Variants in CFI observed in about 807,000 individuals in gnomAD.
CFI encodes complement factor I, also known as C3B/C4B inactivator.
A neutral mutation model predicts 78.8 loss-of-function variants in CFI; 66 were observed. The ratio of observed to expected loss-of-function variants is 0.84; its 90% CI spans 0.69 to 1.03. The LOEUF is 1.03. CFI is among the 50% of genes least tolerant of loss of function. The pLI is 0.00. For missense variants in CFI, 706 were observed against 704.5 expected (o/e 1.00, Z -0.02); for synonymous variants, 250 against 232.6 (o/e 1.07, Z -0.68).
At chr4:109,788,520 A>T (rs1478954966) in intron 1 of CFI, among the ~76,000 whole-genome samples, 1 of 152,066 alleles carries the variant, frequency 6.6e-6, no homozygotes, top group African/African-American at 2.4e-5. Context: ...TCAGTGATAT[A>T]GATTTTTTCT....
At chr4:109,761,992 C>G (rs978556785) in intron 3 of CFI, 1 of 349,822 alleles carries the variant, frequency 2.9e-6, no homozygotes, top group Non-Finnish European at 5.4e-6. Flanking sequence ...GAGTTCGAGA[C>G]CAGCCTGGCC....
intron 1 of CFI, among the ~76,000 whole-genome samples, chr4:109,789,292 A>G (rs542622929): frequency 2.4e-4 from 37 of 152,144 alleles, no homozygotes; most frequent in Non-Finnish European, 4.4e-4. Flanking sequence ...TGAAGAAATA[A>G]TGGCTGAAAT....
intron 1 of CFI, among the ~76,000 whole-genome samples, chr4:109,795,999 G>A (rs1158291108): frequency 6.6e-6 from 1 of 152,100 alleles, no homozygotes; most frequent in Non-Finnish European, 1.5e-5. Context: ...GGATTCATGA[G>A]GACCAAAAGG....
At position 109,791,185 on chromosome 4, in the gene CFI, TA is replaced by T. The variant is rs1399558173; in HGVS notation, c.57+10729del. On this transcript the variant is annotated intron_variant, in intron 1 of 12. Coordinates refer to ENST00000394634, the MANE Select transcript of CFI (RefSeq NM_000204.5). ...TTTCATTGTGGTTTTAATTTGCATT[TA>T]TCCAGTGATCACTGATGTTGGGCTT... Among the ~76,000 whole-genome samples, 3 of 152,230 alleles carry T rather than the reference TA, an allele frequency of 2.0e-5. No homozygotes were observed. The East Asian group carries it at 5.8e-4, about 29-fold the overall frequency.
the CFI span, among the ~76,000 whole-genome samples, chr4:109,731,327 GGCA>G: frequency 1.3e-5 from 2 of 152,154 alleles, no homozygotes; most frequent in South Asian, 4.2e-4. Flanking sequence ...TCCAGCTTGG[GGCA>G]CAGAGCGAGA....
intron 1 of CFI, among the ~76,000 whole-genome samples, chr4:109,792,591 C>G (rs895217129): frequency 6.6e-6 from 1 of 152,000 alleles, no homozygotes; most frequent in Admixed American, 6.6e-5. Context: ...ACCCACCCCC[C>G]CCAAAACAAG....
chr4:109,772,472 T>C (rs918385040), intron 1 of CFI, among the ~76,000 whole-genome samples: 2 of 152,220 alleles, frequency 1.3e-5, no homozygotes, highest in African/African-American at 4.8e-5. Flanking sequence ...TAAATCACCA[T>C]TGAAACTATA....
downstream of CFI, among the ~76,000 whole-genome samples, chr4:109,738,112 CTTTTTTTTT>C (rs141891533): frequency 7.7e-6 from 1 of 130,264 alleles, no homozygotes; most frequent in Non-Finnish European, 1.6e-5. Flanking sequence ...GAGTACTTTT[CTTTTTTTTT>C]TTTTTTTTTT....
intron 1 of CFI, among the ~76,000 whole-genome samples, chr4:109,778,388 G>A (rs139391606): frequency 0.015 from 2,229 of 152,196 alleles, 33 homozygotes; most frequent in Middle Eastern, 0.031. Context: ...TAGAAGAAAT[G>A]GATAAATTCC....
At chr4:109,752,646 G>T in intron 7 of CFI, 143 bp from the exon 8 acceptor site, 1 of 694,798 alleles carries the variant, frequency 1.4e-6, no homozygotes, top group Non-Finnish European at 2.5e-6. Context: ...AAATCCCCAA[G>T]GCATGTCATC....
At chr4:109,743,915 C>T (rs1724116529) in intron 11 of CFI, among the ~76,000 whole-genome samples, 1 of 151,866 alleles carries the variant, frequency 6.6e-6, no homozygotes, top group Admixed American at 6.6e-5. Flanking sequence ...AGCCCCAGAG[C>T]TCAAGGTTGC....
At chr4:109,750,080 T>A (rs1177335390) in intron 8 of CFI, among the ~76,000 whole-genome samples, 4 of 152,066 alleles carry the variant, frequency 2.6e-5, no homozygotes, top group Non-Finnish European at 5.9e-5. Context: ...CACTGCAACC[T>A]CCGCCTCCCG....
At chr4:109,738,032 C>G (rs76335033), downstream of CFI, among the ~76,000 whole-genome samples, 8,048 of 152,094 alleles carry the variant, frequency 0.053, 379 homozygotes, top group East Asian at 0.23. Flanking sequence ...TGGCTTGGCC[C>G]TTTTGGGGGC....
chr4:109,763,362 A>G (rs1414332069), intron 3 of CFI, among the ~76,000 whole-genome samples: 1 of 152,114 alleles, frequency 6.6e-6, no homozygotes, highest in Non-Finnish European at 1.5e-5. Context: ...TTTCAAACCA[A>G]CTAGAGGTGG....
rs1389807771 is a variant in CFI at position 109,766,801 on chromosome 4, A to T, written c.81T>A (p.Asp27Glu). Residue 27 changes from aspartate to glutamate, a missense_variant, in exon 2 of 13, where the codon GAT (aspartate) becomes GAA (glutamate). Asp to Glu is a conservative substitution (Grantham distance 45). Coordinates refer to ENST00000394634, the MANE Select transcript of CFI (RefSeq NM_000204.5). ...TTGCTAAGCACTTTTTCTCCACCAG[A>T]TCCTCTTGAGATGTATAAGTGACCT... is the stretch of plus-strand genomic sequence containing the variant. Reference protein sequence around the residue: ...FCKVTYTSQEDLVEKKCLAKK... With the variant: ...FCKVTYTSQEELVEKKCLAKK... 2 of 1,614,036 alleles carry T rather than the reference A, an allele frequency of 1.2e-6. No homozygotes were observed. Among genetic ancestry groups the T allele is most frequent in the African/African-American group, 2.7e-5 (2 of 74,922 alleles).
intron 11 of CFI, among the ~76,000 whole-genome samples, chr4:109,745,349 T>A (rs549742392): frequency 6.6e-6 from 1 of 152,048 alleles, no homozygotes; most frequent in African/African-American, 2.4e-5. Context: ...CACCATCACA[T>A]CCAGCTAATT....
At chr4:109,741,536 T>C (rs980549945) in intron 12 of CFI, among the ~76,000 whole-genome samples, 2 of 152,190 alleles carry the variant, frequency 1.3e-5, no homozygotes, top group African/African-American at 2.4e-5. Flanking sequence ...ATAAGACAAC[T>C]ATGACACGGA....
intron 1 of CFI, among the ~76,000 whole-genome samples, chr4:109,792,588 C>T (rs1055336354): frequency 2.0e-5 from 3 of 151,964 alleles, no homozygotes; most frequent in Non-Finnish European, 4.4e-5. Context: ...CAAACCCACC[C>T]CCCCCAAAAC....
At position 109,749,239 on chromosome 4, in the gene CFI, A is replaced by G. The variant is rs775212935; in HGVS notation, c.1127T>C (p.Leu376Pro). 1.9e-6 allele frequency: 3 copies of G among 1,614,168 alleles called. No homozygotes were observed. Among genetic ancestry groups the G allele is most frequent in the Non-Finnish European group, 2.5e-6 (3 of 1,179,970 alleles). Residue 376 changes from leucine to proline, a missense_variant, in exon 10 of 13, where the codon CTG (leucine) becomes CCG (proline). Leu to Pro is a moderately conservative substitution (Grantham distance 98). Transcript: ENST00000394634. ...TTACCTGAGACAATGTGCAGCAGTC[A>G]GAATCCAACAGCCACCAATATAAAT... ...GGIYIGGCWI[L>P]TAAHCLRASK... is the part of the protein sequence containing the mutation.
Sources: allele counts gnomAD v4.1 joint callset (sites outside exome capture counted in the v4.1 genomes callset), GRCh38; gene constraint gnomAD v4.1.1; transcripts MANE v1.5; gene names NCBI Gene and HGNC (gene_info 2026-07-23, HGNC 2026-07-21).